Variants in A4GALT observed in about 807,000 individuals in gnomAD.
A4GALT encodes alpha 1,4-galactosyltransferase (P1PK blood group).
For synonymous variants in A4GALT, 257 were observed against 220.7 expected (o/e 1.16, Z -1.46); for missense variants, 512 against 486.0 (o/e 1.05, Z -0.50).
At chr22:42,710,454 A>G (rs929341207) in intron 1 of A4GALT, among the ~76,000 whole-genome samples, 1 of 152,108 alleles carries the variant, frequency 6.6e-6, no homozygotes, top group Non-Finnish European at 1.5e-5. Flanking sequence ...CCAGCACTTT[A>G]GGAGGCTGAG....
At chr22:42,703,292 A>G (rs534724874) in intron 1 of A4GALT, among the ~76,000 whole-genome samples, 15 of 132,496 alleles carry the variant, frequency 1.1e-4, no homozygotes, top group Non-Finnish European at 2.0e-4. Flanking sequence ...GTCTCACTCT[A>G]TTGCCAAGAC....
chr22:42,716,666 C>T (rs1360033373), intron 1 of A4GALT, among the ~76,000 whole-genome samples: 1 of 152,136 alleles, frequency 6.6e-6, no homozygotes, highest in African/African-American at 2.4e-5. Flanking sequence ...GCTAGGGGCT[C>T]AATCTCACTG....
At chr22:42,701,247 T>C (rs1304527190) in intron 1 of A4GALT, among the ~76,000 whole-genome samples, 1 of 152,194 alleles carries the variant, frequency 6.6e-6, no homozygotes, top group Non-Finnish European at 1.5e-5. Flanking sequence ...CCCTGCCACG[T>C]GCCCACAAGA....
chr22:42,692,778 A>T lies in A4GALT; in HGVS notation c.*112T>A. ...CCACAGCTCCTCAACAGCCTGCCTA[A>T]GCCCGGTGGCAGCTCGGGCCTCCCT... On this transcript the variant is annotated 3_prime_UTR_variant, in exon 3 of 3. Coordinates refer to ENST00000642412, the MANE Select transcript of A4GALT (RefSeq NM_017436.7). This position sits in a 1 kb window ranked among gnomAD's most constrained non-coding sequence, Gnocchi z 4.6. The T allele has an allele frequency of 7.7e-7, 1 of 1,300,996 alleles. No homozygotes were observed. Among genetic ancestry groups the T allele is most frequent in the Non-Finnish European group, 1.1e-6 (1 of 926,044 alleles). The allele number at this position is 1,300,996 out of a possible 1,614,324, so 80.6% of individuals were successfully genotyped here. A position where few individuals can be genotyped will look rare whatever the true frequency, so the allele number is the denominator to read the frequency against.
intron 1 of A4GALT, among the ~76,000 whole-genome samples, chr22:42,698,445 C>G (rs1343808176): frequency 1.3e-5 from 2 of 152,198 alleles, no homozygotes; most frequent in South Asian, 2.1e-4. Flanking sequence ...ATTGCACCCC[C>G]ACCTGTCCCT....
intron 1 of A4GALT, chr22:42,718,563 C>T (rs1200718106): frequency 6.6e-6 from 1 of 152,152 alleles, no homozygotes; most frequent in Admixed American, 6.6e-5. Flanking sequence ...CCTCGCCCGG[C>T]TGGAAAAACG....
At position 42,692,986 on chromosome 22, in the gene A4GALT, C is replaced by CT; in HGVS notation, c.965dup (p.Thr324HisfsTer123). 6.2e-7 allele frequency: 1 copy of CT among 1,613,560 alleles called. No homozygotes were observed. ...TGGACGTGGCCTCGAACCGCGTGCC[C>CT]TGGCTCTTCTTGTTCCACACGTGGA... On this transcript the variant is annotated frameshift_variant, in exon 3 of 3. Coordinates refer to ENST00000642412, the MANE Select transcript of A4GALT (RefSeq NM_017436.7). LOFTEE classifies it high-confidence loss of function. The surrounding 1 kb of genome is among the most constrained non-coding windows in gnomAD (Gnocchi z 4.6).
At chr22:42,717,869 C>G (rs1351832999) in intron 1 of A4GALT, among the ~76,000 whole-genome samples, 2 of 152,146 alleles carry the variant, frequency 1.3e-5, no homozygotes, top group African/African-American at 4.8e-5. Flanking sequence ...TACTGATGAG[C>G]TCAAACCAAT....
intron 2 of A4GALT, among the ~76,000 whole-genome samples, chr22:42,694,268 C>G (rs954248971): frequency 1.4e-4 from 22 of 152,264 alleles, no homozygotes; most frequent in Non-Finnish European, 2.5e-4. Flanking sequence ...CAGTGCCACC[C>G]ATGGTGTGTA....
chr22:42,704,873 G>T (rs1385794343), intron 1 of A4GALT, among the ~76,000 whole-genome samples: 1 of 123,498 alleles, frequency 8.1e-6, no homozygotes, highest in Non-Finnish European at 1.7e-5. Context: ...TGGCAATGGG[G>T]GGGGGCGGGG....
intron 1 of A4GALT, among the ~76,000 whole-genome samples, chr22:42,703,672 T>G (rs934982178): frequency 3.3e-5 from 5 of 152,194 alleles, no homozygotes; most frequent in Admixed American, 2.6e-4. Flanking sequence ...GTCACTTTCC[T>G]TTTTGGGCCT....
At chr22:42,718,144 C>T (rs1217699911) in intron 1 of A4GALT, 4 of 152,046 alleles carry the variant, frequency 2.6e-5, no homozygotes, top group Admixed American at 6.5e-5. Flanking sequence ...TAGCAAAATG[C>T]AAGCATTGAA....
rs1930517712 is a variant in A4GALT, at chr22:42,692,596, C to G, written c.*294G>C. On this transcript the variant is annotated 3_prime_UTR_variant, in exon 3 of 3. Coordinates refer to ENST00000642412, the MANE Select transcript of A4GALT (RefSeq NM_017436.7). This position sits in a 1 kb window ranked among gnomAD's most constrained non-coding sequence, Gnocchi z 4.6. ...CCCAACTGCCTGGCTTTCCGCACCACCTGGGGGTGCCCTGAGGTTCATCCT... is the reference window on the plus strand; with the variant it reads ...CCCAACTGCCTGGCTTTCCGCACCAGCTGGGGGTGCCCTGAGGTTCATCCT... The G allele has an allele frequency of 1.8e-6, 1 of 556,172 alleles. No individual in the cohort carries two copies. Among genetic ancestry groups the G allele is most frequent in the African/African-American group, 1.9e-5 (1 of 53,856 alleles). The allele number at this position is 556,172 out of a possible 1,614,324, so 34.5% of individuals were successfully genotyped here. A position where few individuals can be genotyped will look rare whatever the true frequency, so the allele number is the denominator to read the frequency against.
chr22:42,709,680 C>G (rs761792296), intron 1 of A4GALT, among the ~76,000 whole-genome samples: 15 of 152,012 alleles, frequency 9.9e-5, no homozygotes, highest in Non-Finnish European at 1.9e-4. Flanking sequence ...ATCCCAGCTA[C>G]TTAGGAGGCT....
chr22:42,701,724 C>T (rs1056282732), intron 1 of A4GALT, among the ~76,000 whole-genome samples: 3 of 152,154 alleles, frequency 2.0e-5, no homozygotes, highest in African/African-American at 7.2e-5. Flanking sequence ...TTCCCCTGGC[C>T]GCAGTGGTCC....
At chr22:42,705,196 G>A (rs1920981456) in intron 1 of A4GALT, among the ~76,000 whole-genome samples, 1 of 151,984 alleles carries the variant, frequency 6.6e-6, no homozygotes, top group African/African-American at 2.4e-5. Context: ...TGCCACTCCA[G>A]GAAAATTCAA....
chr22:42,701,216 A>G (rs1309786824), intron 1 of A4GALT, among the ~76,000 whole-genome samples: 1 of 152,156 alleles, frequency 6.6e-6, no homozygotes, highest in Non-Finnish European at 1.5e-5. Flanking sequence ...CTGCACCAAC[A>G]TACCTGAGCT....
In A4GALT at chr22:42,692,934, G is replaced by C; in HGVS notation, c.1018C>G (p.Arg340Gly). ...GCCTCGTGCGTCGTGGGGCAGTAGC[G>C]GGCATGCAGCTGGGCCAGCAGTGCC... ...SRALLAQLHA[R>G]YCPTTHEAMK... The change falls in exon 3 of 3, where the codon CGC (arginine) becomes GGC (glycine). Residue 340 changes from arginine to glycine, a missense_variant. By Grantham distance (125) the Arg-to-Gly change is moderately radical (BLOSUM62 -2). Transcript: ENST00000642412. The surrounding 1 kb of genome is among the most constrained non-coding windows in gnomAD (Gnocchi z 4.6). 1 of 1,609,748 alleles carries C rather than the reference G, an allele frequency of 6.2e-7. No individual in the cohort carries two copies. Among genetic ancestry groups the C allele is most frequent in the Non-Finnish European group, 8.5e-7 (1 of 1,179,940 alleles).
chr22:42,698,725 A>G (rs1251087848), intron 1 of A4GALT, among the ~76,000 whole-genome samples: 1 of 152,234 alleles, frequency 6.6e-6, no homozygotes, highest in Admixed American at 6.5e-5. Context: ...GCTGACACCT[A>G]CTGGGCTGCA....
Sources: allele counts gnomAD v4.1 joint callset (sites outside exome capture counted in the v4.1 genomes callset), GRCh38; gene constraint gnomAD v4.1.1; non-coding constraint Gnocchi (gnomAD v3.1); transcripts MANE v1.5; gene names NCBI Gene and HGNC (gene_info 2026-07-23, HGNC 2026-07-21).